Variants in RPS6KA1 observed in about 807,000 individuals in gnomAD.
The protein encoded by RPS6KA1 is ribosomal protein S6 kinase alpha-1.
In RPS6KA1, 48 loss-of-function variants were observed where a neutral mutation model predicts 91.3. The observed-to-expected ratio is 0.53, with a 90% CI of 0.42 to 0.67. The LOEUF is 0.67. Among genes scored for constraint, RPS6KA1 ranks in the 30% least tolerant of loss-of-function variants. The pLI is 0.00. For missense variants in RPS6KA1, 719 were observed against 960.5 expected, an observed-to-expected ratio of 0.75 and a Z score of 3.32; for synonymous variants, 359 against 384.7, an observed-to-expected ratio of 0.93 and a Z score of 0.78.
rs1179986446 is a variant in RPS6KA1, at chr1:26,556,634, C to G, written c.917-20C>G. The G allele has an allele frequency of 6.2e-7, 1 of 1,614,056 alleles. No individual in the cohort carries two copies. Among genetic ancestry groups the G allele is most frequent in the East Asian group, 2.2e-5 (1 of 44,876 alleles). On this transcript the variant is annotated intron_variant, in intron 11 of 21. Transcript: ENST00000374168. ...GACTTGTGCCAGCCAGGGACAGACC[C>G]TTCATTTGGGCTCTTTCAGGCTCCG...
chr1:26,535,002 G>A (rs1213198507), intron 1 of RPS6KA1, among the ~76,000 whole-genome samples: 1 of 152,162 alleles, frequency 6.6e-6, no homozygotes, highest in African/African-American at 2.4e-5. Context: ...GAATGATGAG[G>A]GTTTGGAGTG....
chr1:26,545,920 C>T (rs1000797159), intron 2 of RPS6KA1: 13 of 1,584,668 alleles, frequency 8.2e-6, no homozygotes, highest in African/African-American at 5.4e-5. Context: ...GATCCCAAGC[C>T]GCCCCGTCTG....
At chr1:26,570,708 G>A (rs2076241512) in intron 17 of RPS6KA1, among the ~76,000 whole-genome samples, 1 of 152,182 alleles carries the variant, frequency 6.6e-6, no homozygotes, top group Non-Finnish European at 1.5e-5. Flanking sequence ...ACAGCAGTGA[G>A]CAAAACACTC....
chr1:26,559,063 C>T (rs970743331), intron 14 of RPS6KA1, 126 bp downstream of exon 14: 17 of 1,172,612 alleles, frequency 1.4e-5, no homozygotes, highest in Non-Finnish European at 2.0e-5. Flanking sequence ...GGGCCTCCAA[C>T]ATAAAACAGG....
intron 11 of RPS6KA1, 82 bp from the exon 12 acceptor site, chr1:26,556,572 C>A: frequency 2.1e-6 from 3 of 1,446,298 alleles, no homozygotes; most frequent in Non-Finnish European, 2.9e-6. Flanking sequence ...GGTCCCAGAG[C>A]CCTGTGAGGC....
chr1:26,530,026 C>G, intron 1 of RPS6KA1, 43 bp downstream of exon 1: 2 of 1,277,676 alleles, frequency 1.6e-6, no homozygotes, highest in Non-Finnish European at 2.0e-6. Context: ...GGCCGGCGAG[C>G]CCGGATCCTC....
At chr1:26,539,378 G>A (rs573128160) in intron 2 of RPS6KA1, among the ~76,000 whole-genome samples, 4 of 152,194 alleles carry the variant, frequency 2.6e-5, no homozygotes, top group African/African-American at 9.7e-5. Flanking sequence ...GCAGGATTTG[G>A]GCAGCTGGAG....
At chr1:26,564,451 G>T (rs1411825737) in intron 17 of RPS6KA1, among the ~76,000 whole-genome samples, 1 of 152,022 alleles carries the variant, frequency 6.6e-6, no homozygotes, top group African/African-American at 2.4e-5. Flanking sequence ...GTAGAGACGG[G>T]GTTTCACCGT....
Position 26,572,275 on chromosome 1 carries a change from A to G in RPS6KA1, c.1929A>G (p.Thr643=), listed in dbSNP as rs2076256131. Residue 643 remains threonine, a synonymous_variant, in exon 20 of 22, where the codon ACA becomes ACG. Transcript: ENST00000374168. ...KFTLSGGNWN[T]VSETAKDLVS... ...CCCTCAGTGGGGGAAATTGGAACAC[A>G]GTTTCAGAGACAGCCAAGGTGAGTC... 2 of 1,613,278 alleles carry G rather than the reference A, an allele frequency of 1.2e-6. No homozygotes were observed. Among genetic ancestry groups the G allele is most frequent in the African/African-American group, 1.3e-5 (1 of 74,860 alleles).
At position 26,560,793 on chromosome 1, in the gene RPS6KA1, C is replaced by G. The variant is rs893340655; in HGVS notation, c.1283C>G (p.Ser428Cys). ...YVVKETIGVG[S>C]YSECKRCVHK... Reference sequence around the variant, plus strand: ...GTAAAGGAGACAATTGGTGTGGGCTCCTACTCTGAGTGCAAGCGCTGTGTC... The same window carrying G: ...GTAAAGGAGACAATTGGTGTGGGCTGCTACTCTGAGTGCAAGCGCTGTGTC... Residue 428 changes from serine to cysteine, a missense_variant, in exon 15 of 22, where the codon TCC becomes TGC. Physicochemically the swap from Ser to Cys is moderately radical, Grantham distance 112 (BLOSUM62 -1). Transcript: ENST00000374168. The G allele has an allele frequency of 2.5e-6, 4 of 1,614,080 alleles. No homozygotes were observed. In the African/African-American group the frequency reaches 5.3e-5, roughly 22 times the overall value.
intron 1 of RPS6KA1, among the ~76,000 whole-genome samples, chr1:26,533,531 C>T (rs945311732): frequency 2.0e-5 from 3 of 152,094 alleles, no homozygotes; most frequent in Non-Finnish European, 4.4e-5. Context: ...CATGGCGAAA[C>T]CCCGCCTCTA....
chr1:26,539,393 A>C (rs1262599449), intron 2 of RPS6KA1, among the ~76,000 whole-genome samples: 1 of 152,132 alleles, frequency 6.6e-6, no homozygotes, highest in African/African-American at 2.4e-5. Context: ...CTGGAGAAAG[A>C]ATTGGGCCTT....
intron 17 of RPS6KA1, among the ~76,000 whole-genome samples, chr1:26,566,589 T>C (rs1196020985): frequency 1.3e-5 from 2 of 151,972 alleles, no homozygotes. Flanking sequence ...GCCCGGCTCA[T>C]TGTAGTTTTA....
In RPS6KA1 at chr1:26,530,982, TG is replaced by T. The variant is rs1017736398; in HGVS notation, c.63+1000del. On this transcript the variant is annotated intron_variant, in intron 1 of 21. Transcript: ENST00000374168. ...CCTCATTTGAGCCCAGGAGCTGAGA[TG>T]ACTTTCTCCCAGCTTGGGCCTGGAG... 19 of 1,031,952 alleles carry T rather than the reference TG, an allele frequency of 1.8e-5. No homozygotes were observed. In the Admixed American group the frequency reaches 7.3e-4, roughly 40 times the overall value. 63.9% of individuals were successfully genotyped at this position (1,031,952 alleles called of 1,614,324 possible).
chr1:26,569,542 G>A (rs1043031636), intron 17 of RPS6KA1, among the ~76,000 whole-genome samples: 1 of 152,214 alleles, frequency 6.6e-6, no homozygotes, highest in African/African-American at 2.4e-5. Flanking sequence ...CCCTATGGAG[G>A]TGGACTGTGC....
Position 26,547,398 on chromosome 1 carries a change from A to C in RPS6KA1, c.307+128A>C. 1 of 714,430 alleles carries C rather than the reference A, an allele frequency of 1.4e-6. No individual in the cohort carries two copies. Among genetic ancestry groups the C allele is most frequent in the Non-Finnish European group, 2.4e-6 (1 of 416,570 alleles). 44.3% of individuals were successfully genotyped at this position (714,430 alleles called of 1,614,324 possible). A position where few individuals can be genotyped will look rare whatever the true frequency, so the allele number is the denominator to read the frequency against. On this transcript the variant is annotated intron_variant, in intron 4 of 21. Transcript: ENST00000374168. The surrounding 1 kb of genome is among the most constrained non-coding windows in gnomAD (Gnocchi z 4.1). ...GGAGCACCTAGTTCAAAGGTGGAGAAACAGGCCTATTTCTCAGCTATCCCT... is the reference window on the plus strand; with the variant it reads ...GGAGCACCTAGTTCAAAGGTGGAGACACAGGCCTATTTCTCAGCTATCCCT...
chr1:26,539,268 A>G (rs974325378), intron 2 of RPS6KA1, among the ~76,000 whole-genome samples: 1 of 152,192 alleles, frequency 6.6e-6, no homozygotes, highest in Non-Finnish European at 1.5e-5. Flanking sequence ...GACCAGAGAC[A>G]TGGTCATTGC....
intron 1 of RPS6KA1, 42 bp downstream of exon 1, chr1:26,530,025 G>C (rs1260512738): frequency 7.8e-7 from 1 of 1,284,168 alleles, no homozygotes; most frequent in Non-Finnish European, 9.9e-7. Flanking sequence ...CGGCCGGCGA[G>C]CCCGGATCCT....
intron 14 of RPS6KA1, among the ~76,000 whole-genome samples, chr1:26,560,472 C>G (rs1428555951): frequency 6.6e-6 from 1 of 152,262 alleles, no homozygotes; most frequent in Admixed American, 6.5e-5. Flanking sequence ...GTTTCCCACT[C>G]CCTACACTGC....
Sources: allele counts gnomAD v4.1 joint callset (sites outside exome capture counted in the v4.1 genomes callset), GRCh38; gene constraint gnomAD v4.1.1; non-coding constraint Gnocchi (gnomAD v3.1); transcripts MANE v1.5; gene names NCBI Gene and HGNC (gene_info 2026-07-23, HGNC 2026-07-21).